SNX13: variants seen among roughly 807,000 people sequenced by gnomAD.
The protein encoded by SNX13 is sorting nexin-13.
In SNX13, 45 loss-of-function variants were observed where a neutral mutation model predicts 133.6. The observed-to-expected ratio is 0.34, with a 90% confidence interval of 0.27 to 0.43. The LOEUF is 0.43. Among genes scored for constraint, SNX13 ranks in the 20% least tolerant of loss-of-function variants. The pLI is 1.00. For synonymous variants in SNX13, 414 were observed against 373.9 expected, an observed-to-expected ratio of 1.11 and a Z score of -1.24; for missense variants, 1,032 against 1,145.1, an observed-to-expected ratio of 0.90 and a Z score of 1.43.
At chr7:17,842,904 C>T (rs879569823) in intron 12 of SNX13, among the ~76,000 whole-genome samples, 3 of 151,608 alleles carry the variant, frequency 2.0e-5, no homozygotes, top group Non-Finnish European at 4.4e-5. Context: ...ACATGTAATC[C>T]CCATAGTAAC....
intron 14 of SNX13, 132 bp downstream of exon 14, chr7:17,834,629 A>G (rs1454839633): frequency 8.1e-6 from 4 of 496,884 alleles, no homozygotes; most frequent in South Asian, 4.3e-5. Flanking sequence ...TCTGGAATTG[A>G]GAAGTATAAT....
At chr7:17,822,410 CT>C (rs1448911122) in intron 17 of SNX13, among the ~76,000 whole-genome samples, 1 of 152,114 alleles carries the variant, frequency 6.6e-6, no homozygotes, top group African/African-American at 2.4e-5. Context: ...TAGTGAGTCT[CT>C]TCTCATCTGT....
intron 9 of SNX13, among the ~76,000 whole-genome samples, chr7:17,864,356 CT>C (rs1297689357): frequency 6.6e-6 from 1 of 152,102 alleles, no homozygotes; most frequent in Non-Finnish European, 1.5e-5. Context: ...AACTCTAGAA[CT>C]GAAAAATTCA....
rs1468848569 is a variant in SNX13 at position 17,850,883 on chromosome 7, T to C, written c.919A>G (p.Arg307Gly). The stretch of plus-strand genomic sequence containing the variant: ...TGTAATTCTTCTGCTGCCTTATCTC[T>C]GACTGCTTCTAGCTCTCCAATATTG... ...SDNIGELEAVRDKAAEELQYL... is the reference protein window; with the variant it reads ...SDNIGELEAVGDKAAEELQYL... Residue 307 changes from arginine to glycine, a missense_variant, in exon 10 of 26, where the codon AGA becomes GGA. Arg to Gly is a moderately radical substitution (Grantham distance 125). Coordinates refer to ENST00000428135, the MANE Select transcript of SNX13 (RefSeq NM_015132.5). The C allele has an allele frequency of 6.2e-7, 1 of 1,612,328 alleles. No homozygotes were observed. The highest frequency in any genetic ancestry group is 8.5e-7 in the Non-Finnish European group (1 of 1,179,306).
At chr7:17,859,243 C>T (rs892403232) in intron 9 of SNX13, among the ~76,000 whole-genome samples, 2 of 151,722 alleles carry the variant, frequency 1.3e-5, no homozygotes, top group African/African-American at 4.8e-5. Context: ...CTTACATTAT[C>T]AATTTAAAAA....
intron 15 of SNX13, chr7:17,831,743 G>C (rs1415056053): frequency 1.0e-6 from 1 of 983,692 alleles, no homozygotes; most frequent in African/African-American, 1.8e-5. Context: ...TGCATGTAGT[G>C]CTCAGCAGCT....
At chr7:17,809,339 CAGACTTTAAACCAACAA>C (rs548739166) in intron 20 of SNX13, among the ~76,000 whole-genome samples, 5 of 84,840 alleles carry the variant, frequency 5.9e-5, no homozygotes, top group South Asian at 4.3e-4. Flanking sequence ...TCTGATAAAA[CAGACTTTAAACCAACAA>C]AGACTTTAAA....
chr7:17,837,763 C>A (rs1198790023), intron 13 of SNX13, among the ~76,000 whole-genome samples: 2 of 151,478 alleles, frequency 1.3e-5, no homozygotes, highest in Non-Finnish European at 2.9e-5. Flanking sequence ...AAGTTCAATT[C>A]CAAATAAATT....
At chr7:17,934,124 CA>C (rs1801746315) in intron 1 of SNX13, among the ~76,000 whole-genome samples, 1 of 152,126 alleles carries the variant, frequency 6.6e-6, no homozygotes, top group South Asian at 2.1e-4. Context: ...CATTTAATTC[CA>C]AATACTTTTA....
rs557836240 is a variant in SNX13, at chr7:17,873,817, AT to A, written c.665-202del. On this transcript the variant is annotated intron_variant, in intron 7 of 25. Coordinates refer to ENST00000428135, the MANE Select transcript of SNX13 (RefSeq NM_015132.5). The stretch of plus-strand genomic sequence containing the variant: ...TAGTAACTATTCATTAATCAACTTA[AT>A]TTTTTTTAATTTTGCTGTTTTAACC... Among the ~76,000 whole-genome samples, 734 of 152,136 alleles carry A rather than the reference AT, an allele frequency of 4.8e-3. 5 individuals carry two copies. Among genetic ancestry groups the A allele is most frequent in the African/African-American group, 0.017 (707 of 41,510 alleles).
At chr7:17,865,127 A>C (rs1359127683) in intron 9 of SNX13, among the ~76,000 whole-genome samples, 1 of 152,356 alleles carries the variant, frequency 6.6e-6, no homozygotes, top group East Asian at 1.9e-4. Context: ...CTGAAAGAAA[A>C]GCATGTTAAT....
At chr7:17,840,752 C>G (rs1032950863) in intron 12 of SNX13, among the ~76,000 whole-genome samples, 5 of 152,038 alleles carry the variant, frequency 3.3e-5, no homozygotes, top group African/African-American at 1.2e-4. Flanking sequence ...ATATTAACTA[C>G]TTAAAATTCA....
intron 1 of SNX13, among the ~76,000 whole-genome samples, chr7:17,916,056 CTT>C (rs1799526183): frequency 6.6e-6 from 1 of 152,136 alleles, no homozygotes; most frequent in Non-Finnish European, 1.5e-5. Context: ...TCCTGAATGA[CTT>C]TTGGGTAAAC....
intron 9 of SNX13, among the ~76,000 whole-genome samples, chr7:17,854,971 A>G (rs1791705550): frequency 1.3e-5 from 2 of 152,230 alleles, no homozygotes; most frequent in South Asian, 4.1e-4. Context: ...CAATTATCCA[A>G]TATGAGAATG....
At position 17,893,410 on chromosome 7, in the gene SNX13, A is replaced by C. The variant is rs547548777; in HGVS notation, c.150T>G (p.Phe50Leu). Residue 50 changes from phenylalanine to leucine, a missense_variant, in exon 3 of 26, where the codon TTT becomes TTG. Transcript: ENST00000428135. ...VGGGLVVTLL[F>L]GKTNSEKYLE... ...GGTACTTCTCTGAGTTTGTTTTTCC[A>C]AACAGGAGAGTAACCACTAAACCCC... 1.9e-6 allele frequency: 3 copies of C among 1,564,842 alleles called. No individual in the cohort carries two copies. The African/African-American group carries it at 4.1e-5, about 21-fold the overall frequency.
At chr7:17,888,762 A>G (rs1449289024) in intron 5 of SNX13, 2 of 470,374 alleles carry the variant, frequency 4.3e-6, no homozygotes, top group African/African-American at 2.0e-5. Context: ...TAGTTGAATA[A>G]GATGAATTTT....
At chr7:17,823,991 G>T (rs989836151) in intron 17 of SNX13, among the ~76,000 whole-genome samples, 14 of 152,038 alleles carry the variant, frequency 9.2e-5, no homozygotes, top group Middle Eastern at 3.4e-3. Flanking sequence ...ACAATAGGAA[G>T]AATAATGAGG....
At chr7:17,868,280 T>C in intron 9 of SNX13, 127 bp downstream of exon 9, 1 of 698,322 alleles carries the variant, frequency 1.4e-6, no homozygotes, top group Non-Finnish European at 2.4e-6. Flanking sequence ...AACACAGAGA[T>C]TACTTCAGAA....
intron 22 of SNX13, among the ~76,000 whole-genome samples, chr7:17,800,165 A>T (rs772244914): frequency 4.2e-4 from 63 of 151,770 alleles, no homozygotes; most frequent in Non-Finnish European, 8.6e-4. Context: ...ATAAATAGCT[A>T]AACTGTAAAA....
Sources: gnomAD v4.1 joint callset for allele counts (sites outside exome capture counted in the v4.1 genomes callset) on GRCh38, gnomAD v4.1.1 for gene constraint, MANE v1.5 for transcripts, NCBI Gene and HGNC (gene_info 2026-07-23, HGNC 2026-07-21) for gene names.